Variants in EIF2S1 observed in about 807,000 individuals in gnomAD.
EIF2S1 encodes the protein eukaryotic translation initiation factor 2 subunit 1.
Under a neutral mutation model 33.5 loss-of-function variants are expected in EIF2S1, and 5 were observed. The observed-to-expected ratio is 0.15, with a 90% CI of 0.08 to 0.31. The LOEUF (loss-of-function observed/expected upper bound fraction) is 0.31, where lower values mean the gene tolerates loss of function less well. EIF2S1 is among the 10% of genes least tolerant of loss of function. The pLI is 1.00. For missense variants in EIF2S1, 191 were observed against 384.6 expected, an observed-to-expected ratio of 0.50 and a Z score of 4.21; for synonymous variants, 99 against 127.5, an observed-to-expected ratio of 0.78 and a Z score of 1.51.
In EIF2S1 at chr14:67,384,891, C is replaced by CA. The variant is rs1566619482; in HGVS notation, c.*1458dup. On this transcript the variant is annotated 3_prime_UTR_variant, in exon 8 of 8. Coordinates refer to ENST00000256383, the MANE Select transcript of EIF2S1 (RefSeq NM_004094.5). Reference sequence around the variant, plus strand: ...TTTTCACTTCTGTCTGTTGAGGCATCAAAAAAACAAGTTTAGAAAGCTGGC... The same window carrying CA: ...TTTTCACTTCTGTCTGTTGAGGCATCAAAAAAAACAAGTTTAGAAAGCTGGC... 1.3e-5 allele frequency: 2 copies of CA among 151,904 alleles called. No individual in the cohort carries two copies. Among genetic ancestry groups the CA allele is most frequent in the East Asian group, 1.9e-4 (1 of 5,184 alleles). 9.4% of individuals were successfully genotyped at this position (151,904 alleles called of 1,614,324 possible).
In EIF2S1 at chr14:67,360,332, G is replaced by A. The variant is rs1308085049; in HGVS notation, c.-126G>A. ...GCGCATGCGAGGAGGTTCCGCATGC[G>A]CGGTGGAGTGAGCGAAGCGCACGCT... On this transcript the variant is annotated 5_prime_UTR_variant, in exon 1 of 8. Transcript: ENST00000256383. The A allele has an allele frequency of 7.5e-6, 3 of 397,832 alleles. No individual in the cohort carries two copies. Among genetic ancestry groups the A allele is most frequent in the Non-Finnish European group, 1.3e-5 (3 of 225,760 alleles). 24.6% of individuals were successfully genotyped at this position (397,832 alleles called of 1,614,324 possible). A position where few individuals can be genotyped will look rare whatever the true frequency, so the allele number is the denominator to read the frequency against.
At chr14:67,361,147 A>G (rs1206810904) in intron 1 of EIF2S1, among the ~76,000 whole-genome samples, 2 of 152,202 alleles carry the variant, frequency 1.3e-5, no homozygotes, top group African/African-American at 4.8e-5. Context: ...ATAAGGATAT[A>G]TTTTCGGGTT....
chr14:67,382,904 C>CGT (rs1434512045), intron 7 of EIF2S1, among the ~76,000 whole-genome samples: 2 of 140,450 alleles, frequency 1.4e-5, no homozygotes, highest in African/African-American at 5.7e-5. Flanking sequence ...TACGTGCGTG[C>CGT]GTGCGTGTGT....
At chr14:67,362,289 G>A (rs553505686) in intron 1 of EIF2S1, among the ~76,000 whole-genome samples, 5 of 151,882 alleles carry the variant, frequency 3.3e-5, no homozygotes, top group East Asian at 3.9e-4. Flanking sequence ...CAAAGTGCTG[G>A]GATTACAGGT....
Position 67,365,098 on chromosome 14 carries a change from A to T in EIF2S1, c.241+90A>T, listed in dbSNP as rs922956121. 16 of 894,722 alleles carry T rather than the reference A, an allele frequency of 1.8e-5. No individual in the cohort carries two copies. The African/African-American group carries it at 2.5e-4, about 14-fold the overall frequency. 55.4% of individuals were successfully genotyped at this position (894,722 alleles called of 1,614,324 possible). The stretch of plus-strand genomic sequence containing the variant: ...TTTTGTAAATTGCAAGCTGCAGCTT[A>T]AAAAAAAAAGCTCCTTTTATACTTA... On this transcript the variant is annotated intron_variant, in intron 2 of 7. Transcript: ENST00000256383.
At position 67,376,569 on chromosome 14, in the gene EIF2S1, A is replaced by C; in HGVS notation, c.452A>C (p.Asp151Ala). The C allele has an allele frequency of 6.2e-7, 1 of 1,614,022 alleles. No individual in the cohort carries two copies. The highest frequency in any genetic ancestry group is 8.5e-7 in the Non-Finnish European group (1 of 1,179,956). ...AAGAGACCTGGATATGGTGCCTATG[A>C]TGCATTTAAGCATGCAGTCTCGTAA... ...KYKRPGYGAYDAFKHAVSDPS... is the reference protein window; with the variant it reads ...KYKRPGYGAYAAFKHAVSDPS... Residue 151 changes from aspartate to alanine, a missense_variant, in exon 4 of 8, where the codon GAT becomes GCT. Coordinates refer to ENST00000256383, the MANE Select transcript of EIF2S1 (RefSeq NM_004094.5).
At chr14:67,367,517 C>T (rs1353482464) in intron 2 of EIF2S1, among the ~76,000 whole-genome samples, 2 of 152,262 alleles carry the variant, frequency 1.3e-5, no homozygotes, top group Admixed American at 1.3e-4. Context: ...GCGTGAGCCA[C>T]CACGCCCCAC....
At chr14:67,382,821 A>T (rs2085895093) in intron 7 of EIF2S1, 1 of 536,754 alleles carries the variant, frequency 1.9e-6, no homozygotes, top group African/African-American at 1.9e-5. Context: ...CATGTCTAAA[A>T]TTTGATCTCA....
intron 2 of EIF2S1, among the ~76,000 whole-genome samples, chr14:67,371,723 CTGCTATATA>C (rs1174303626): frequency 2.0e-4 from 31 of 152,318 alleles, no homozygotes; most frequent in Admixed American, 1.9e-3. Context: ...AACAGCACTG[CTGCTATATA>C]TGCAATCTAT....
intron 1 of EIF2S1, among the ~76,000 whole-genome samples, chr14:67,362,661 GACCAA>G (rs2085750594): frequency 6.6e-6 from 1 of 151,996 alleles, no homozygotes; most frequent in South Asian, 2.1e-4. Flanking sequence ...ACTTCTTGAG[GACCAA>G]ATAAAATAAG....
chr14:67,378,630 T>C (rs2085870312), intron 4 of EIF2S1, among the ~76,000 whole-genome samples: 1 of 152,232 alleles, frequency 6.6e-6, no homozygotes, highest in Admixed American at 6.5e-5. Context: ...TTGTCTCAAC[T>C]GTCATCATCT....
In EIF2S1 at chr14:67,383,683, C is replaced by CT; in HGVS notation, c.*246dup. 2 of 429,526 alleles carry CT rather than the reference C, an allele frequency of 4.7e-6. No homozygotes were observed. The highest frequency in any genetic ancestry group is 4.3e-6 in the Non-Finnish European group (1 of 234,520). 26.6% of individuals were successfully genotyped at this position (429,526 alleles called of 1,614,324 possible). A position where few individuals can be genotyped will look rare whatever the true frequency, so the allele number is the denominator to read the frequency against. ...TGGCCTCATTTCACTAGAGACAAAT[C>CT]TTTAAGAATAGTTCTAAAATTGGGC... is the stretch of plus-strand genomic sequence containing the variant. On this transcript the variant is annotated 3_prime_UTR_variant, in exon 8 of 8. Coordinates refer to ENST00000256383, the MANE Select transcript of EIF2S1 (RefSeq NM_004094.5).
chr14:67,364,544 C>T (rs969271097), intron 1 of EIF2S1: 2 of 447,214 alleles, frequency 4.5e-6, no homozygotes, highest in African/African-American at 2.0e-5. Context: ...CAGAGAATCA[C>T]CCAAGCATTA....
Position 67,381,643 on chromosome 14 carries a change from G to T in EIF2S1, c.631G>T (p.Ala211Ser), listed in dbSNP as rs376244064. The T allele has an allele frequency of 1.4e-5, 23 of 1,613,502 alleles. No homozygotes were observed. The highest frequency in any genetic ancestry group is 1.8e-5 in the Non-Finnish European group (21 of 1,179,726). ...TGAAGGCATTGATGCTGTAAAAGAA[G>T]CCCTAAGAGCAGGTTTGAATTGTTC... ...GYEGIDAVKEALRAGLNCSTE... is the reference protein window; with the variant it reads ...GYEGIDAVKESLRAGLNCSTE... The change falls in exon 6 of 8, where the codon GCC becomes TCC. Residue 211 changes from alanine to serine, a missense_variant. Coordinates refer to ENST00000256383, the MANE Select transcript of EIF2S1 (RefSeq NM_004094.5).
In EIF2S1 at chr14:67,383,352, C is replaced by T. The variant is rs1203283377; in HGVS notation, c.860C>T (p.Ala287Val). 5.6e-6 allele frequency: 9 copies of T among 1,613,266 alleles called. No individual in the cohort carries two copies. Among genetic ancestry groups the T allele is most frequent in the African/African-American group, 1.3e-5 (1 of 74,830 alleles). The change falls in exon 8 of 8, where the codon GCG becomes GTG. Residue 287 changes from alanine to valine, a missense_variant. Ala to Val is a moderately conservative substitution (Grantham distance 64). Transcript: ENST00000256383. Reference protein sequence around the residue: ...VVTDTDETELARQMERLEREN... With the variant: ...VVTDTDETELVRQMERLEREN... ...ACAGATACAGATGAGACTGAACTTG[C>T]GAGGCAGATGGAGAGGCTTGAAAGA...
chr14:67,375,281 T>TGTGTGTCA (rs2085851087), intron 3 of EIF2S1, among the ~76,000 whole-genome samples: 1 of 134,788 alleles, frequency 7.4e-6, no homozygotes, highest in Non-Finnish European at 1.6e-5. Flanking sequence ...TGTGTGTGTG[T>TGTGTGTCA]GTCACAAAGT....
At chr14:67,371,294 A>G (rs1595646371) in intron 2 of EIF2S1, among the ~76,000 whole-genome samples, 1 of 151,478 alleles carries the variant, frequency 6.6e-6, no homozygotes, top group African/African-American at 2.4e-5. Flanking sequence ...GTGTACCTGT[A>G]AAGTAGTTCC....
At chr14:67,362,479 A>G (rs1426255045) in intron 1 of EIF2S1, among the ~76,000 whole-genome samples, 1 of 152,208 alleles carries the variant, frequency 6.6e-6, no homozygotes, top group East Asian at 1.9e-4. Context: ...GTTTTTACGT[A>G]TACATGTGAT....
intron 4 of EIF2S1, among the ~76,000 whole-genome samples, chr14:67,379,968 C>T (rs1195372191): frequency 1.3e-5 from 2 of 152,006 alleles, no homozygotes; most frequent in East Asian, 3.9e-4. Flanking sequence ...GTTGCCTAGA[C>T]TGGTCTATGA....
Sources: allele counts gnomAD v4.1 joint callset (sites outside exome capture counted in the v4.1 genomes callset), GRCh38; gene constraint gnomAD v4.1.1; transcripts MANE v1.5; gene names NCBI Gene and HGNC (gene_info 2026-07-23, HGNC 2026-07-21).